Variants in ITGA8 observed in about 807,000 individuals in gnomAD.
ITGA8 encodes integrin alpha-8.
A neutral mutation model predicts 142.3 loss-of-function variants in ITGA8; 91 were observed. The observed-to-expected ratio is 0.64, with a 90% confidence interval of 0.54 to 0.76. ITGA8 has a LOEUF of 0.76. ITGA8 is among the 30% of genes least tolerant of loss of function. The pLI is 0.00. For synonymous variants in ITGA8, 505 were observed against 485.2 expected, an observed-to-expected ratio of 1.04 and a Z score of -0.54; for missense variants, 1,406 against 1,327.7, an observed-to-expected ratio of 1.06 and a Z score of -0.92.
At chr10:15,707,961 G>GACACACACAC (rs138462340) in intron 2 of ITGA8, among the ~76,000 whole-genome samples, 1,685 of 144,932 alleles carry the variant, frequency 0.012, 18 homozygotes, top group Middle Eastern at 0.018. Flanking sequence ...TGCACACACC[G>GACACACACAC]ACACACACAC....
chr10:15,668,076 T>C lies in ITGA8; in HGVS notation c.847+3527A>G, dbSNP rs138730583. Among the ~76,000 whole-genome samples, 367 of 152,328 alleles carry C rather than the reference T, an allele frequency of 2.4e-3. 12 individuals are homozygous for C. The East Asian group carries it at 0.062, about 26-fold the overall frequency. ...TGAGTTCAATTCCTGGGTATCCTTG[T>C]TAACTTTCTGTCTATTTGATCTGTC... On this transcript the variant is annotated intron_variant, in intron 8 of 29. Coordinates refer to ENST00000378076, the MANE Select transcript of ITGA8 (RefSeq NM_003638.3).
intron 9 of ITGA8, among the ~76,000 whole-genome samples, chr10:15,659,526 T>C (rs778563072): frequency 3.9e-5 from 6 of 152,240 alleles, no homozygotes; most frequent in Non-Finnish European, 8.8e-5. Flanking sequence ...TTGTAAAAGA[T>C]GAACTTTATT....
At chr10:15,535,593 A>G (rs984564881) in intron 27 of ITGA8, among the ~76,000 whole-genome samples, 4 of 152,162 alleles carry the variant, frequency 2.6e-5, no homozygotes, top group African/African-American at 9.7e-5. Flanking sequence ...CTTTATGTCC[A>G]CACTCTGTAT....
intron 10 of ITGA8, 71 bp from the exon 11 acceptor site, chr10:15,655,477 C>A: frequency 3.0e-6 from 3 of 1,004,692 alleles, no homozygotes; most frequent in South Asian, 1.3e-5. Flanking sequence ...CTCTATTATT[C>A]CTGAAAGATT....
At chr10:15,619,645 T>A (rs368623794) in intron 13 of ITGA8, among the ~76,000 whole-genome samples, 3 of 152,246 alleles carry the variant, frequency 2.0e-5, no homozygotes, top group African/African-American at 7.2e-5. Flanking sequence ...AGAATTTCAA[T>A]TTTTCAACTA....
At chr10:15,564,558 C>T (rs1834044729) in intron 25 of ITGA8, among the ~76,000 whole-genome samples, 1 of 152,236 alleles carries the variant, frequency 6.6e-6, no homozygotes, top group Non-Finnish European at 1.5e-5. Flanking sequence ...CTTTTTACAG[C>T]TGCTACTCAG....
At position 15,719,721 on chromosome 10, in the gene ITGA8, G is replaced by A. The variant is rs963600906; in HGVS notation, c.51C>T (p.Ile17=). The change falls in exon 1 of 30, where the codon ATC becomes ATT. Residue 17 remains isoleucine (I), a synonymous_variant. Coordinates refer to ENST00000378076, the MANE Select transcript of ITGA8 (RefSeq NM_003638.3). ...CGGCCGCGGCGCAGCAGAGGGGCGCGATCAGCGGCGCCTGGCTTCCCCGGG... is the reference window on the plus strand; with the variant it reads ...CGGCCGCGGCGCAGCAGAGGGGCGCAATCAGCGGCGCCTGGCTTCCCCGGG... ...RGPRGSQAPL[I]APLCCAAAAL... 77 of 1,394,298 alleles carry A rather than the reference G, an allele frequency of 5.5e-5. No homozygotes were observed. The highest frequency in any genetic ancestry group is 6.7e-5 in the Non-Finnish European group (72 of 1,081,436). 86.4% of individuals were successfully genotyped at this position (1,394,298 alleles called of 1,614,324 possible).
intron 26 of ITGA8, among the ~76,000 whole-genome samples, chr10:15,552,424 C>T (rs983042782): frequency 6.6e-6 from 1 of 152,122 alleles, no homozygotes; most frequent in Non-Finnish European, 1.5e-5. Flanking sequence ...AAGCATGAGA[C>T]ACTACACCCT....
chr10:15,556,010 C>CTA (rs1291025550), intron 26 of ITGA8, among the ~76,000 whole-genome samples: 9 of 100,710 alleles, frequency 8.9e-5, no homozygotes, highest in Admixed American at 3.3e-4. Flanking sequence ...GCCAGGGTCT[C>CTA]TCTCTCTCTT....
At chr10:15,602,687 A>C (rs550337103) in intron 20 of ITGA8, among the ~76,000 whole-genome samples, 1 of 152,118 alleles carries the variant, frequency 6.6e-6, no homozygotes, top group South Asian at 2.1e-4. Context: ...GTAGTGAGCT[A>C]TGATCACGCT....
intron 11 of ITGA8, among the ~76,000 whole-genome samples, chr10:15,648,272 C>T (rs1834023552): frequency 6.6e-6 from 1 of 152,054 alleles, no homozygotes; most frequent in African/African-American, 2.4e-5. Flanking sequence ...GCAATAATCT[C>T]AAGAGTGACC....
chr10:15,714,078 T>C (rs1442194514), intron 2 of ITGA8, among the ~76,000 whole-genome samples: 1 of 152,208 alleles, frequency 6.6e-6, no homozygotes, highest in Non-Finnish European at 1.5e-5. Context: ...ATGATTATCA[T>C]AATTAATTAG....
At position 15,516,909 on chromosome 10, in the gene ITGA8, CA is replaced by C. The variant is rs1832971648; in HGVS notation, c.*248del. ...TCTGCCAAGTACAGAACGATTAAAG[CA>C]AAAGAAAATCTTCCACAATTGCTGA... On this transcript the variant is annotated 3_prime_UTR_variant, in exon 30 of 30. Coordinates refer to ENST00000378076, the MANE Select transcript of ITGA8 (RefSeq NM_003638.3). The C allele has an allele frequency of 2.7e-6, 1 of 374,366 alleles. No individual in the cohort carries two copies. Among genetic ancestry groups the C allele is most frequent in the South Asian group, 3.1e-5 (1 of 32,132 alleles). 23.2% of individuals were successfully genotyped at this position (374,366 alleles called of 1,614,324 possible).
At chr10:15,564,485 C>A (rs1834043869) in intron 25 of ITGA8, among the ~76,000 whole-genome samples, 2 of 152,204 alleles carry the variant, frequency 1.3e-5, no homozygotes, top group South Asian at 4.1e-4. Flanking sequence ...AAAGTGTCTT[C>A]TGTAGAACAA....
intron 2 of ITGA8, among the ~76,000 whole-genome samples, chr10:15,692,321 A>G (rs1030288631): frequency 3.3e-5 from 5 of 151,990 alleles, no homozygotes; most frequent in Non-Finnish European, 4.4e-5. Context: ...TAAGAGCATG[A>G]CTCCCATTAG....
chr10:15,675,474 A>G (rs985216663), intron 6 of ITGA8, among the ~76,000 whole-genome samples: 2 of 152,180 alleles, frequency 1.3e-5, no homozygotes, highest in African/African-American at 2.4e-5. Flanking sequence ...CTCTTCTTTT[A>G]CAGTCAGTAC....
intron 6 of ITGA8, among the ~76,000 whole-genome samples, chr10:15,675,435 A>C (rs1394473473): frequency 6.6e-6 from 1 of 152,114 alleles, no homozygotes; most frequent in Non-Finnish European, 1.5e-5. Context: ...TAGGCTGCTT[A>C]TTTTGCCTCC....
chr10:15,592,668 G>A (rs1383432616), intron 21 of ITGA8, among the ~76,000 whole-genome samples: 2 of 152,154 alleles, frequency 1.3e-5, no homozygotes, highest in East Asian at 1.9e-4. Flanking sequence ...GCATTAGTGC[G>A]AGCATGGCTC....
chr10:15,532,067 T>C (rs1300324062), intron 27 of ITGA8, among the ~76,000 whole-genome samples: 1 of 151,964 alleles, frequency 6.6e-6, no homozygotes, highest in African/African-American at 2.4e-5. Context: ...GTCCTCTGCA[T>C]TGTAGGATGT....
Sources: gnomAD v4.1 joint callset for allele counts (sites outside exome capture counted in the v4.1 genomes callset) on GRCh38, gnomAD v4.1.1 for gene constraint, MANE v1.5 for transcripts, NCBI Gene and HGNC (gene_info 2026-07-23, HGNC 2026-07-21) for gene names.